The following ALMS1 variants were observed in gnomAD, a reference collection of about 807,000 sequenced individuals.
The protein encoded by ALMS1 is centrosome-associated protein ALMS1.
A neutral mutation model predicts 352.2 loss-of-function variants in ALMS1; 271 were observed. That is an observed-to-expected ratio of 0.77 (90% CI 0.70 to 0.85). The LOEUF is 0.85. ALMS1 is among the 40% of genes least tolerant of loss of function. The probability of loss-of-function intolerance (pLI) is 0.00; values close to 1 mark genes in which losing one functional copy is unlikely to be tolerated. For missense variants in ALMS1, 5,445 were observed against 4,870.7 expected, an observed-to-expected ratio of 1.12 and a Z score of -3.51; for synonymous variants, 1,865 against 1,761.2, an observed-to-expected ratio of 1.06 and a Z score of -1.48.
intron 10 of ALMS1, among the ~76,000 whole-genome samples, chr2:73,507,722 C>G (rs1205872456): frequency 6.6e-6 from 1 of 152,130 alleles, no homozygotes; most frequent in Non-Finnish European, 1.5e-5. Context: ...TTTCGAAAAA[C>G]CAGCTCCTGA....
At chr2:73,523,440 A>C (rs1673725880) in intron 11 of ALMS1, among the ~76,000 whole-genome samples, 2 of 152,142 alleles carry the variant, frequency 1.3e-5, no homozygotes, top group Admixed American at 1.3e-4. Context: ...TAGAGTTGCC[A>C]AAGATGGTGA....
intron 7 of ALMS1, among the ~76,000 whole-genome samples, chr2:73,440,907 G>T (rs1018961271): frequency 1.3e-5 from 2 of 152,196 alleles, no homozygotes; most frequent in African/African-American, 2.4e-5. Context: ...TTATGTGGCT[G>T]TGATCCCAAA....
At chr2:73,497,990 G>A (rs1293807487) in intron 10 of ALMS1, among the ~76,000 whole-genome samples, 1 of 152,046 alleles carries the variant, frequency 6.6e-6, no homozygotes, top group Non-Finnish European at 1.5e-5. Flanking sequence ...CCAGACCACT[G>A]CAATAAAGCC....
chr2:73,607,830 G>A (rs993699843), intron 21 of ALMS1, among the ~76,000 whole-genome samples: 4 of 144,430 alleles, frequency 2.8e-5, no homozygotes, highest in African/African-American at 1.0e-4. Flanking sequence ...TTTTTTTTTG[G>A]TGTGTGTGGT....
At chr2:73,598,774 T>C (rs1279749667) in intron 16 of ALMS1, among the ~76,000 whole-genome samples, 1 of 152,202 alleles carries the variant, frequency 6.6e-6, no homozygotes, top group Admixed American at 6.5e-5. Context: ...TTTTACACTA[T>C]AGTATTTGTT....
intron 16 of ALMS1, among the ~76,000 whole-genome samples, chr2:73,583,663 A>G (rs1675246931): frequency 6.6e-6 from 1 of 152,232 alleles, no homozygotes. Flanking sequence ...ATTTTTGTAC[A>G]TGGTATAAGA....
intron 9 of ALMS1, among the ~76,000 whole-genome samples, chr2:73,485,801 A>G (rs1469893109): frequency 6.6e-6 from 1 of 152,114 alleles, no homozygotes; most frequent in Non-Finnish European, 1.5e-5. Flanking sequence ...AGCCGGTTGG[A>G]AAAGCGCAGT....
chr2:73,599,242 A>G (rs1675618875), intron 16 of ALMS1, among the ~76,000 whole-genome samples, 159 bp from the exon 17 acceptor site: 1 of 152,152 alleles, frequency 6.6e-6, no homozygotes, highest in South Asian at 2.1e-4. Flanking sequence ...TCCCTATCAC[A>G]GATACAAGGC....
chr2:73,605,260 C>G (rs1318150148), intron 21 of ALMS1, among the ~76,000 whole-genome samples: 1 of 152,180 alleles, frequency 6.6e-6, no homozygotes, highest in Non-Finnish European at 1.5e-5. Context: ...TTGTATTCAC[C>G]TCCATGGGCT....
At chr2:73,405,888 T>C (rs1358887079) in intron 1 of ALMS1, among the ~76,000 whole-genome samples, 1 of 152,200 alleles carries the variant, frequency 6.6e-6, no homozygotes, top group East Asian at 1.9e-4. Context: ...GCAGCTACCT[T>C]CTAGTTTCAT....
chr2:73,415,564 A>G (rs973156958), intron 2 of ALMS1, among the ~76,000 whole-genome samples: 2 of 152,172 alleles, frequency 1.3e-5, no homozygotes, highest in East Asian at 1.9e-4. Context: ...ACAATTATTG[A>G]AGGTCATCAG....
rs1214205777 is a variant in ALMS1, at chr2:73,448,448, T to A, written c.1921T>A (p.Leu641Ile). The change falls in exon 8 of 23, where the codon TTA (leucine) becomes ATA (isoleucine). Residue 641 changes from leucine to isoleucine, a missense_variant. Coordinates refer to ENST00000613296, the MANE Select transcript of ALMS1 (RefSeq NM_001378454.1). Reference sequence around the variant, plus strand: ...CCAACAAGAGTTACCAGAGAGTAACTTAACCGAAGAGCCTTTGGAAGTTTC... The same window carrying A: ...CCAACAAGAGTTACCAGAGAGTAACATAACCGAAGAGCCTTTGGAAGTTTC... ...FYQQELPESN[L>I]TEEPLEVSAA... 6.2e-7 allele frequency: 1 copy of A among 1,612,418 alleles called. No homozygotes were observed. Among genetic ancestry groups the A allele is most frequent in the East Asian group, 2.2e-5 (1 of 44,754 alleles).
In ALMS1 at chr2:73,420,831, G is replaced by A. The variant is rs962823668; in HGVS notation, c.646+1513G>A. Among the ~76,000 whole-genome samples, 9 of 152,248 alleles carry A rather than the reference G, an allele frequency of 5.9e-5. No individual in the cohort carries two copies. In the East Asian group the frequency reaches 1.7e-3, roughly 29 times the overall value. On this transcript the variant is annotated intron_variant, in intron 3 of 22. Transcript: ENST00000613296. The stretch of plus-strand genomic sequence containing the variant: ...AATTTTATCATTGCTGTTTTGTTAC[G>A]CATAAGTACTAACATTGTGATAAAT...
chr2:73,573,374 A>G lies in ALMS1; in HGVS notation c.11497A>G (p.Thr3833Ala), dbSNP rs770953000. Reference protein sequence around the residue: ...RSKHSKKVLNTGHPLVTSEHT... With the variant: ...RSKHSKKVLNAGHPLVTSEHT... Reference sequence around the variant, plus strand: ...CAAACACAGCAAGAAAGTGCTGAATACAGGTCATCCCCTAGTGACTTCTGA... The same window carrying G: ...CAAACACAGCAAGAAAGTGCTGAATGCAGGTCATCCCCTAGTGACTTCTGA... The change falls in exon 16 of 23, where the codon ACA (threonine) becomes GCA (alanine). Residue 3833 changes from threonine to alanine, a missense_variant. Physicochemically the swap from Thr to Ala is moderately conservative, Grantham distance 58 (BLOSUM62 0). Transcript: ENST00000613296. 1 of 1,614,122 alleles carries G rather than the reference A, an allele frequency of 6.2e-7. No homozygotes were observed. Among genetic ancestry groups the G allele is most frequent in the South Asian group, 1.1e-5 (1 of 91,084 alleles).
intron 14 of ALMS1, among the ~76,000 whole-genome samples, chr2:73,557,814 A>G (rs1231495172): frequency 1.3e-5 from 2 of 152,250 alleles, no homozygotes; most frequent in Non-Finnish European, 2.9e-5. Flanking sequence ...CGTTAGGATT[A>G]GTTTTGACTC....
At chr2:73,535,001 A>T (rs761765753) in intron 12 of ALMS1, 52 bp downstream of exon 12, 10 of 1,607,344 alleles carry the variant, frequency 6.2e-6, no homozygotes, top group African/African-American at 1.3e-5. Context: ...TTATTTGTGT[A>T]TTGGCTAGTT....
At chr2:73,461,756 T>G (rs1327988649) in intron 9 of ALMS1, among the ~76,000 whole-genome samples, 1 of 152,082 alleles carries the variant, frequency 6.6e-6, no homozygotes, top group Non-Finnish European at 1.5e-5. Context: ...AGAGAAGTCC[T>G]TAAAGGAGCT....
intron 7 of ALMS1, among the ~76,000 whole-genome samples, chr2:73,432,611 G>A (rs1671522751): frequency 6.6e-6 from 1 of 151,942 alleles, no homozygotes; most frequent in African/African-American, 2.4e-5. Context: ...CTCCCATGGT[G>A]GAAGGGGCAG....
chr2:73,396,343 T>C (rs957553314), intron 1 of ALMS1, among the ~76,000 whole-genome samples: 1 of 146,216 alleles, frequency 6.8e-6, no homozygotes, highest in African/African-American at 2.5e-5. Context: ...CACACACGCT[T>C]GTATTTTGTT....
Sources: allele counts gnomAD v4.1 joint callset (sites outside exome capture counted in the v4.1 genomes callset), GRCh38; gene constraint gnomAD v4.1.1; transcripts MANE v1.5; gene names NCBI Gene and HGNC (gene_info 2026-07-23, HGNC 2026-07-21).